Variants in RALYL observed in about 807,000 individuals in gnomAD.
RALYL encodes the protein RNA-binding Raly-like protein.
A neutral mutation model predicts 35.1 loss-of-function variants in RALYL; 29 were observed. The ratio of observed to expected loss-of-function variants is 0.83; its 90% CI spans 0.61 to 1.13. The LOEUF (loss-of-function observed/expected upper bound fraction) is 1.13. Ranked by LOEUF, RALYL falls within the 50% of genes most tolerant of loss-of-function variation. RALYL has a pLI of 0.00. For synonymous variants in RALYL, 120 were observed against 127.6 expected, an observed-to-expected ratio of 0.94 and a Z score of 0.40; for missense variants, 359 against 360.4, an observed-to-expected ratio of 1.00 and a Z score of 0.03.
At chr8:84,711,444 T>C (rs970616676) in intron 2 of RALYL, among the ~76,000 whole-genome samples, 1 of 152,178 alleles carries the variant, frequency 6.6e-6, no homozygotes, top group African/African-American at 2.4e-5. Flanking sequence ...CAAATTTTGG[T>C]CATCCAGAAG....
rs147743235 is a variant in RALYL at position 84,768,725 on chromosome 8, C to T, written c.257-5854C>T. Among the ~76,000 whole-genome samples the T allele has an allele frequency of 4.2e-3, 633 of 152,256 alleles. 7 individuals are homozygous for T. The highest frequency in any genetic ancestry group is 0.014 in the African/African-American group (569 of 41,546). On this transcript the variant is annotated intron_variant, in intron 2 of 8. Coordinates refer to ENST00000521268, the MANE Select transcript of RALYL (RefSeq NM_173848.7). The stretch of plus-strand genomic sequence containing the variant: ...ATTAAAAACTCAAAAATCGTTAAGT[C>T]GAACTGTCATAACTCGGCGACCATC...
rs960507688 is a variant in RALYL at position 84,761,531 on chromosome 8, T to C, written c.257-13048T>C. ...AAATTTTGAAATTATATAATTTTAA[T>C]AATTTTAATGCCCCCTTTAACTGTA... On this transcript the variant is annotated intron_variant, in intron 2 of 8. Coordinates refer to ENST00000521268, the MANE Select transcript of RALYL (RefSeq NM_173848.7). Among the ~76,000 whole-genome samples, 79 of 152,230 alleles carry C rather than the reference T, an allele frequency of 5.2e-4. 1 individual carries two copies. Among genetic ancestry groups the C allele is most frequent in the African/African-American group, 1.8e-3 (74 of 41,564 alleles).
At chr8:84,378,156 A>G (rs1341849454) in intron 1 of RALYL, among the ~76,000 whole-genome samples, 1 of 151,924 alleles carries the variant, frequency 6.6e-6, no homozygotes, top group Non-Finnish European at 1.5e-5. Context: ...CCTTCAAGGT[A>G]ACATTTATGC....
In RALYL at chr8:84,289,975, G is replaced by A. The variant is rs200531101; in HGVS notation, c.-24+105551G>A. Reference sequence around the variant, plus strand: ...AAGCAACTGGGGTAGGAGACTGTCTGGTTTGAGGATGTTTTCTTATTTTGG... The same window carrying A: ...AAGCAACTGGGGTAGGAGACTGTCTAGTTTGAGGATGTTTTCTTATTTTGG... On this transcript the variant is annotated intron_variant, in intron 1 of 8. Coordinates refer to ENST00000521268, the MANE Select transcript of RALYL (RefSeq NM_173848.7). Among the ~76,000 whole-genome samples the A allele has an allele frequency of 2.0e-5, 3 of 152,106 alleles. No individual in the cohort carries two copies. The East Asian group carries it at 5.8e-4, about 29-fold the overall frequency.
chr8:84,427,853 T>G (rs2046673208), intron 1 of RALYL, among the ~76,000 whole-genome samples: 1 of 152,194 alleles, frequency 6.6e-6, no homozygotes, highest in South Asian at 2.1e-4. Flanking sequence ...TCACCTGTGT[T>G]GACTGTGGTC....
intron 1 of RALYL, among the ~76,000 whole-genome samples, chr8:84,294,942 G>C (rs1464232640): frequency 2.6e-5 from 4 of 152,056 alleles, no homozygotes; most frequent in Non-Finnish European, 4.4e-5. Context: ...AATTGGGGAA[G>C]CTGACAGTCC....
At chr8:84,730,421 C>T (rs995348911) in intron 2 of RALYL, among the ~76,000 whole-genome samples, 1 of 152,110 alleles carries the variant, frequency 6.6e-6, no homozygotes, top group Non-Finnish European at 1.5e-5. Context: ...TACCCACAGC[C>T]AATATCATAC....
At chr8:84,781,870 A>C (rs983475687) in intron 3 of RALYL, among the ~76,000 whole-genome samples, 18 of 152,284 alleles carry the variant, frequency 1.2e-4, no homozygotes, top group African/African-American at 4.1e-4. Flanking sequence ...CATGTAGTAA[A>C]AGAAAATACT....
chr8:84,663,901 C>G (rs1052264497), intron 2 of RALYL, among the ~76,000 whole-genome samples: 1 of 152,034 alleles, frequency 6.6e-6, no homozygotes, highest in Non-Finnish European at 1.5e-5. Flanking sequence ...GTGCCTATGT[C>G]CTGAATGCTA....
intron 3 of RALYL, among the ~76,000 whole-genome samples, chr8:84,793,833 G>T (rs932312482): frequency 6.6e-6 from 1 of 152,140 alleles, no homozygotes; most frequent in Non-Finnish European, 1.5e-5. Context: ...GAGGGGCTGT[G>T]GTTACCAAAA....
chr8:84,705,468 G>T (rs1041889092), intron 2 of RALYL, among the ~76,000 whole-genome samples: 7 of 152,152 alleles, frequency 4.6e-5, no homozygotes. Flanking sequence ...TGCCTGAGAA[G>T]TATAGACTGG....
rs553649698 is a variant in RALYL at position 84,706,746 on chromosome 8, G to T, written c.257-67833G>T. 1.3e-4 allele frequency among the ~76,000 whole-genome samples: 20 copies of T among 152,154 alleles called. No homozygotes were observed. The South Asian group carries it at 3.9e-3, about 30-fold the overall frequency. ...TGGAACTGAAAGCTATCAGGATCTT[G>T]CTAAAAATCAAAAGATTGTTATAAC... is the stretch of plus-strand genomic sequence containing the variant. On this transcript the variant is annotated intron_variant, in intron 2 of 8. Transcript: ENST00000521268.
At chr8:84,631,854 A>G (rs547542516) in intron 2 of RALYL, among the ~76,000 whole-genome samples, 21 of 152,110 alleles carry the variant, frequency 1.4e-4, no homozygotes, top group Non-Finnish European at 2.5e-4. Flanking sequence ...TATGATTTGA[A>G]CAACTGTTAC....
chr8:84,817,738 A>G (rs1827690656), intron 4 of RALYL, among the ~76,000 whole-genome samples: 3 of 151,722 alleles, frequency 2.0e-5, no homozygotes, highest in Admixed American at 2.0e-4. Context: ...TCTTTTCTAG[A>G]AACGGGGGGT....
intron 2 of RALYL, among the ~76,000 whole-genome samples, chr8:84,721,319 A>G (rs1843865211): frequency 6.6e-6 from 1 of 152,178 alleles, no homozygotes; most frequent in African/African-American, 2.4e-5. Context: ...TCATATGTCC[A>G]GAGATATCTG....
intron 1 of RALYL, among the ~76,000 whole-genome samples, chr8:84,298,753 C>A (rs551309413): frequency 1.3e-5 from 2 of 152,086 alleles, no homozygotes; most frequent in East Asian, 3.9e-4. Flanking sequence ...TTGTAGTTCT[C>A]CTTGTAGAGA....
chr8:84,282,251 G>A (rs1478164499), intron 1 of RALYL, among the ~76,000 whole-genome samples: 2 of 151,328 alleles, frequency 1.3e-5, no homozygotes, highest in African/African-American at 2.4e-5. Flanking sequence ...ATAATTTTGT[G>A]TATGTATTTG....
intron 2 of RALYL, among the ~76,000 whole-genome samples, chr8:84,655,471 G>C (rs969460243): frequency 7.2e-5 from 11 of 152,044 alleles, no homozygotes; most frequent in Non-Finnish European, 1.5e-4. Flanking sequence ...TGAGACTACA[G>C]GTGCACATCA....
At chr8:84,597,489 G>C (rs571266066) in intron 2 of RALYL, among the ~76,000 whole-genome samples, 2 of 152,134 alleles carry the variant, frequency 1.3e-5, no homozygotes, top group South Asian at 2.1e-4. Flanking sequence ...TATACTGACT[G>C]ACTGAAATAG....
Sources: gnomAD v4.1 joint callset for allele counts (sites outside exome capture counted in the v4.1 genomes callset) on GRCh38, gnomAD v4.1.1 for gene constraint, MANE v1.5 for transcripts, NCBI Gene and HGNC (gene_info 2026-07-23, HGNC 2026-07-21) for gene names.